Variants in DGKB observed in about 807,000 individuals in gnomAD.
DGKB encodes the protein 90 kDa diacylglycerol kinase.
DGKB carries 67 observed loss-of-function variants against 114.3 expected under a neutral mutation model. The ratio of observed to expected loss-of-function variants is 0.59; its 90% CI spans 0.48 to 0.72. The LOEUF (loss-of-function observed/expected upper bound fraction) is 0.72, where lower values mean the gene tolerates loss of function less well. Among genes scored for constraint, DGKB ranks in the 30% least tolerant of loss-of-function variants. The pLI is 0.00. For synonymous variants in DGKB, 398 were observed against 323.1 expected (o/e 1.23, Z -2.49); for missense variants, 907 against 975.2 (o/e 0.93, Z 0.93).
chr7:14,627,960 A>AC (rs1011069456), intron 14 of DGKB, among the ~76,000 whole-genome samples: 7 of 151,770 alleles, frequency 4.6e-5, no homozygotes, highest in African/African-American at 7.3e-5. Context: ...CAAAAAAAAA[A>AC]AACAACAAAA....
chr7:14,962,673 C>T (rs952194848), intron 1 of DGKB, among the ~76,000 whole-genome samples: 8 of 143,694 alleles, frequency 5.6e-5, no homozygotes, highest in Non-Finnish European at 9.2e-5. Flanking sequence ...TGTGTGTAAG[C>T]ACGTATACAG....
chr7:14,314,184 A>G (rs1001974886), intron 23 of DGKB, among the ~76,000 whole-genome samples: 3 of 152,178 alleles, frequency 2.0e-5, no homozygotes, highest in Non-Finnish European at 4.4e-5. Flanking sequence ...GATGGGGAAA[A>G]AACAGAACAG....
At chr7:14,430,141 G>T (rs1325950919) in intron 21 of DGKB, among the ~76,000 whole-genome samples, 1 of 152,064 alleles carries the variant, frequency 6.6e-6, no homozygotes, top group Non-Finnish European at 1.5e-5. Flanking sequence ...TTGGGTCCTA[G>T]CAAGTGGCTG....
intron 13 of DGKB, among the ~76,000 whole-genome samples, chr7:14,666,782 A>T (rs889856407): frequency 7.3e-5 from 11 of 151,568 alleles, no homozygotes; most frequent in Admixed American, 6.6e-4. Flanking sequence ...TTTTTTTCTT[A>T]AAAAAAAGCA....
chr7:14,584,119 T>A (rs1800362896), intron 17 of DGKB, among the ~76,000 whole-genome samples: 1 of 152,208 alleles, frequency 6.6e-6, no homozygotes, highest in Non-Finnish European at 1.5e-5. Flanking sequence ...TTCAAATATG[T>A]CTAAGAGAAC....
intron 1 of DGKB, among the ~76,000 whole-genome samples, chr7:14,874,799 C>A (rs1853024170): frequency 1.3e-5 from 2 of 152,038 alleles, no homozygotes; most frequent in African/African-American, 2.4e-5. Context: ...AATTCCCCCA[C>A]ACAGATTTAT....
chr7:14,781,588 T>C (rs1344211330), intron 2 of DGKB, among the ~76,000 whole-genome samples: 1 of 152,178 alleles, frequency 6.6e-6, no homozygotes, highest in Non-Finnish European at 1.5e-5. Context: ...CTCTGGGCTG[T>C]CAATTAAGTC....
chr7:14,971,180 C>G (rs537575112), intron 1 of DGKB, among the ~76,000 whole-genome samples: 1 of 152,136 alleles, frequency 6.6e-6, no homozygotes, highest in Admixed American at 6.5e-5. Flanking sequence ...TTTTTCAACT[C>G]AAAATATTTT....
At chr7:14,716,268 A>C (rs1451862733) in intron 6 of DGKB, among the ~76,000 whole-genome samples, 1 of 152,138 alleles carries the variant, frequency 6.6e-6, no homozygotes, top group Non-Finnish European at 1.5e-5. Flanking sequence ...ACTTGTTAGA[A>C]ATGCACATTT....
chr7:14,310,534 A>C lies in DGKB; in HGVS notation c.2122+27981T>G, dbSNP rs28834162. ...CTACCAAGGATTTTGATTAATTTAT[A>C]CAACCAAAACCAATCAAGAATGGAT... On this transcript the variant is annotated intron_variant, in intron 23 of 25. Coordinates refer to ENST00000402815, the MANE Select transcript of DGKB (RefSeq NM_001350709.2). Among the ~76,000 whole-genome samples, 64 of 152,328 alleles carry C rather than the reference A, an allele frequency of 4.2e-4. 1 individual carries two copies. Among genetic ancestry groups the C allele is most frequent in the African/African-American group, 1.4e-3 (58 of 41,572 alleles).
chr7:14,799,083 T>C (rs150032932), intron 2 of DGKB, among the ~76,000 whole-genome samples: 20 of 152,314 alleles, frequency 1.3e-4, no homozygotes, highest in African/African-American at 3.6e-4. Flanking sequence ...TGGAGAATGA[T>C]AGTGCATTAT....
intron 21 of DGKB, among the ~76,000 whole-genome samples, chr7:14,358,397 G>A (rs1815012377): frequency 1.3e-5 from 2 of 152,132 alleles, no homozygotes; most frequent in East Asian, 3.9e-4. Context: ...TGAAGCTTGT[G>A]CATGCCTCAC....
At chr7:14,187,048 A>T (rs1237955423) in intron 23 of DGKB, among the ~76,000 whole-genome samples, 2 of 152,230 alleles carry the variant, frequency 1.3e-5, no homozygotes, top group African/African-American at 4.8e-5. Context: ...AAATGTTATC[A>T]GTGATGGAAG....
intron 2 of DGKB, among the ~76,000 whole-genome samples, chr7:14,762,571 A>T (rs888478195): frequency 6.6e-6 from 1 of 152,196 alleles, no homozygotes; most frequent in Non-Finnish European, 1.5e-5. Context: ...GATCATAAAA[A>T]GTACTACATG....
chr7:14,159,971 C>CCAAT (rs1291371174), intron 25 of DGKB, among the ~76,000 whole-genome samples: 1 of 151,948 alleles, frequency 6.6e-6, no homozygotes, highest in East Asian at 1.9e-4. Context: ...CTGTGCCTGG[C>CCAAT]CAATCATTGA....
At chr7:14,879,242 T>C (rs796560928) in intron 1 of DGKB, among the ~76,000 whole-genome samples, 77 of 152,046 alleles carry the variant, frequency 5.1e-4, no homozygotes, top group African/African-American at 1.8e-3. Context: ...AGGTATAGAA[T>C]ATTCTGTTTA....
At chr7:14,221,685 G>C (rs1204355765) in intron 23 of DGKB, among the ~76,000 whole-genome samples, 1 of 151,372 alleles carries the variant, frequency 6.6e-6, no homozygotes, top group African/African-American at 2.4e-5. Flanking sequence ...TGGCCTCATA[G>C]AATTAGGGAG....
intron 1 of DGKB, among the ~76,000 whole-genome samples, chr7:14,964,836 T>C (rs1023040471): frequency 4.6e-5 from 7 of 152,200 alleles, no homozygotes; most frequent in Admixed American, 3.9e-4. Context: ...TAGGCTTTTA[T>C]GGTATTCAGG....
At chr7:14,341,590 A>AT (rs781520269) in intron 22 of DGKB, among the ~76,000 whole-genome samples, 1 of 151,912 alleles carries the variant, frequency 6.6e-6, no homozygotes, top group East Asian at 1.9e-4. Context: ...TATGGGAGCT[A>AT]TTTATAGAGT....
Sources: gnomAD v4.1 joint callset for allele counts (sites outside exome capture counted in the v4.1 genomes callset) on GRCh38, gnomAD v4.1.1 for gene constraint, MANE v1.5 for transcripts, NCBI Gene and HGNC (gene_info 2026-07-23, HGNC 2026-07-21) for gene names.